Variants in BABAM2 observed in about 807,000 individuals in gnomAD.
BABAM2 encodes BRISC and BRCA1-A complex member 2.
BABAM2 carries 31 observed loss-of-function variants against 54.7 expected under a neutral mutation model. The ratio of observed to expected loss-of-function variants is 0.57; its 90% CI spans 0.43 to 0.77. The LOEUF (loss-of-function observed/expected upper bound fraction) is 0.77, where lower values mean the gene tolerates loss of function less well. Ranked by LOEUF, BABAM2 falls within the 30% of genes least tolerant of loss-of-function variation. The probability of loss-of-function intolerance (pLI) is 0.00; values close to 1 mark genes in which losing one functional copy is unlikely to be tolerated. For missense variants in BABAM2, 364 were observed against 455.8 expected (o/e 0.80, Z 1.83); for synonymous variants, 167 against 162.9 (o/e 1.03, Z -0.19).
At chr2:28,258,933 C>G (rs1169215673) in intron 10 of BABAM2, among the ~76,000 whole-genome samples, 1 of 151,402 alleles carries the variant, frequency 6.6e-6, no homozygotes. Flanking sequence ...CACGCCACCA[C>G]CCCCAGCTAA....
chr2:28,227,701 A>G (rs1681015438), intron 7 of BABAM2, among the ~76,000 whole-genome samples: 1 of 152,080 alleles, frequency 6.6e-6, no homozygotes, highest in Non-Finnish European at 1.5e-5. Context: ...GCACATTTGC[A>G]TTGACCACAC....
chr2:28,104,825 T>G (rs913210146), intron 6 of BABAM2, among the ~76,000 whole-genome samples: 7 of 152,070 alleles, frequency 4.6e-5, no homozygotes, highest in African/African-American at 1.4e-4. Context: ...TTAAGAAAAT[T>G]TGGCACTTAT....
intron 7 of BABAM2, among the ~76,000 whole-genome samples, chr2:28,225,532 A>T (rs1371619245): frequency 6.6e-6 from 1 of 152,156 alleles, no homozygotes; most frequent in Non-Finnish European, 1.5e-5. Flanking sequence ...TTGCACTGTG[A>T]AAAGAGCATA....
At chr2:28,066,212 C>A (rs890737084) in intron 6 of BABAM2, among the ~76,000 whole-genome samples, 5 of 151,084 alleles carry the variant, frequency 3.3e-5, no homozygotes, top group Admixed American at 2.6e-4. Flanking sequence ...AAAACAGCCA[C>A]GATAATTTAT....
chr2:28,018,437 G>A (rs1029723320), intron 4 of BABAM2, among the ~76,000 whole-genome samples: 2 of 151,906 alleles, frequency 1.3e-5, no homozygotes, highest in Admixed American at 1.3e-4. Flanking sequence ...CCCCATTTTT[G>A]CAATTGCAAA....
In BABAM2 at chr2:28,081,929, A is replaced by G. The variant is rs144887544; in HGVS notation, c.570+36130A>G. On this transcript the variant is annotated intron_variant, in intron 6 of 11. Coordinates refer to ENST00000379624, the MANE Select transcript of BABAM2 (RefSeq NM_199191.3). ...TTTTAATAAAAAACAATTATCTACT[A>G]TGCATAAGAACTAAAGTAATAATGT... 2.6e-3 allele frequency among the ~76,000 whole-genome samples: 395 copies of G among 152,348 alleles called. 4 individuals are homozygous for G. Among genetic ancestry groups the G allele is most frequent in the African/African-American group, 9.2e-3 (383 of 41,578 alleles).
At chr2:28,124,667 GT>G (rs1232208485) in intron 6 of BABAM2, among the ~76,000 whole-genome samples, 29 of 152,228 alleles carry the variant, frequency 1.9e-4, no homozygotes, top group African/African-American at 7.0e-4. Context: ...ACATTGAGTG[GT>G]TTCCATATGC....
chr2:28,208,385 T>G (rs983169131), intron 7 of BABAM2, among the ~76,000 whole-genome samples: 1 of 152,234 alleles, frequency 6.6e-6, no homozygotes, highest in African/African-American at 2.4e-5. Flanking sequence ...TTGAGACCTT[T>G]AAATTTTGTA....
At chr2:27,904,406 T>C (rs925119097) in intron 2 of BABAM2, among the ~76,000 whole-genome samples, 6 of 152,206 alleles carry the variant, frequency 3.9e-5, no homozygotes, top group Non-Finnish European at 8.8e-5. Context: ...GCACATTTTA[T>C]TTTATGGTCC....
chr2:27,986,997 A>G (rs185845103), intron 3 of BABAM2, among the ~76,000 whole-genome samples: 1 of 152,330 alleles, frequency 6.6e-6, no homozygotes, highest in East Asian at 1.9e-4. Flanking sequence ...AAATTTGCTA[A>G]TGAGACTTTG....
chr2:28,054,322 C>T (rs1380709896), intron 6 of BABAM2, among the ~76,000 whole-genome samples: 2 of 151,728 alleles, frequency 1.3e-5, no homozygotes, highest in Non-Finnish European at 2.9e-5. Context: ...TTTTTTTAAC[C>T]TTCCTTCTTT....
intron 7 of BABAM2, among the ~76,000 whole-genome samples, chr2:28,231,274 C>A (rs943320209): frequency 9.2e-5 from 14 of 152,044 alleles, no homozygotes; most frequent in Non-Finnish European, 2.1e-4. Flanking sequence ...TGCTGGCAGG[C>A]CACCAGGAAA....
chr2:28,108,321 G>A (rs1667704068), intron 6 of BABAM2, among the ~76,000 whole-genome samples: 1 of 152,130 alleles, frequency 6.6e-6, no homozygotes, highest in Admixed American at 6.5e-5. Context: ...ATGTGAACTA[G>A]AAATGTTAAG....
intron 2 of BABAM2, among the ~76,000 whole-genome samples, chr2:27,912,768 A>T (rs1194854568): frequency 6.6e-6 from 1 of 152,188 alleles, no homozygotes; most frequent in Non-Finnish European, 1.5e-5. Context: ...TCTTCTTGCA[A>T]GGAATGAATC....
chr2:27,984,624 CT>C (rs1672261055), intron 3 of BABAM2, among the ~76,000 whole-genome samples: 1 of 151,466 alleles, frequency 6.6e-6, no homozygotes, highest in African/African-American at 2.4e-5. Flanking sequence ...ACTTCTTCTT[CT>C]TTTTTTAAAT....
chr2:28,014,389 A>G (rs1360602796), intron 4 of BABAM2, among the ~76,000 whole-genome samples: 6 of 152,204 alleles, frequency 3.9e-5, no homozygotes, highest in Admixed American at 6.5e-5. Flanking sequence ...TGGCTCCACC[A>G]GAAGCCCCCA....
intron 6 of BABAM2, among the ~76,000 whole-genome samples, chr2:28,059,473 A>C (rs567069487): frequency 9.9e-5 from 15 of 152,182 alleles, no homozygotes; most frequent in Admixed American, 5.2e-4. Flanking sequence ...GATATGATTT[A>C]GATTTGTCAA....
intron 11 of BABAM2, among the ~76,000 whole-genome samples, chr2:28,316,177 A>G (rs1689535964): frequency 6.6e-6 from 1 of 152,206 alleles, no homozygotes; most frequent in Non-Finnish European, 1.5e-5. Flanking sequence ...CAGATTTAAC[A>G]AGGCATCCTG....
intron 10 of BABAM2, among the ~76,000 whole-genome samples, chr2:28,245,985 A>C (rs958988754): frequency 3.3e-5 from 5 of 152,234 alleles, no homozygotes; most frequent in African/African-American, 1.2e-4. Context: ...TAGTGGCAGA[A>C]AGAAGAAAAC....
Sources: gnomAD v4.1 joint callset for allele counts (sites outside exome capture counted in the v4.1 genomes callset) on GRCh38, gnomAD v4.1.1 for gene constraint, MANE v1.5 for transcripts, NCBI Gene and HGNC (gene_info 2026-07-23, HGNC 2026-07-21) for gene names.